The following LAMB2 variants were observed in gnomAD, a reference collection of about 807,000 sequenced individuals.
LAMB2 encodes the protein laminin subunit beta-2.
A neutral mutation model predicts 202.7 loss-of-function variants in LAMB2; 119 were observed. That is an observed-to-expected ratio of 0.59 (90% CI 0.51 to 0.68). The LOEUF is 0.68. Among genes scored for constraint, LAMB2 ranks in the 30% least tolerant of loss-of-function variants. LAMB2 has a pLI of 0.00. For synonymous variants in LAMB2, 818 were observed against 902.2 expected, an observed-to-expected ratio of 0.91 and a Z score of 1.67; for missense variants, 2,124 against 2,410.6, an observed-to-expected ratio of 0.88 and a Z score of 2.49.
At position 49,123,235 on chromosome 3, in the gene LAMB2, G is replaced by A. The variant is rs1310745206; in HGVS notation, c.4121C>T (p.Ala1374Val). Residue 1374 changes from alanine to valine, a missense_variant, in exon 26 of 32, where the codon GCT becomes GTT. This residue lies in a region of LAMB2 where 1,702 missense variants were observed against 1,896.3 expected (regional missense o/e 0.90). Transcript: ENST00000305544. ...TTTGCTGTTGAAGTCCTCCTTCTGA[G>A]CATCCATCAGTGCCTCTGTCCGATG... ...ARHRTEALMD[A>V]QKEDFNSKHM... 6.2e-7 allele frequency: 1 copy of A among 1,613,914 alleles called. No individual in the cohort carries two copies. The highest frequency in any genetic ancestry group is 8.5e-7 in the Non-Finnish European group (1 of 1,180,058).
chr3:49,125,043 G>C lies in LAMB2; in HGVS notation c.2847C>G (p.Ser949=). 1 of 1,613,946 alleles carries C rather than the reference G, an allele frequency of 6.2e-7. No individual in the cohort carries two copies. Among genetic ancestry groups the C allele is most frequent in the South Asian group, 1.1e-5 (1 of 91,090 alleles). Residue 949 remains serine, a synonymous_variant, in exon 20 of 32, where the codon TCC becomes TCG. Transcript: ENST00000305544. ...FATSCHQDEY[S]QQIVCHCRAG... ...CCCGGCAGTGGCACACAATCTGCTG[G>C]GAATATTCATCCTGGTGGCAAGAAG...
rs752915661 is a variant in LAMB2, at chr3:49,122,827, C to G, written c.4450G>C (p.Ala1484Pro). Residue 1484 changes from alanine (A) to proline (P), a missense_variant, in exon 27 of 32, where the codon GCA becomes CCA. Transcript: ENST00000305544. ...LSRVAETRRQASEAQQRAQAA... is the reference protein window; with the variant it reads ...LSRVAETRRQPSEAQQRAQAA... ...TGGGCCCGCTGCTGTGCCTCGCTTG[C>G]CTGCCGACGAGTCTCAGCCACTCTG... The G allele has an allele frequency of 2.5e-6, 4 of 1,613,270 alleles. No homozygotes were observed. The highest frequency in any genetic ancestry group is 3.4e-6 in the Non-Finnish European group (4 of 1,180,004).
Position 49,123,207 on chromosome 3 carries a change from GT to G in LAMB2, c.4148del (p.His1383ProfsTer18). On this transcript the variant is annotated frameshift_variant, in exon 26 of 32. Transcript: ENST00000305544. LOFTEE classifies it high-confidence loss of function. ...TGCCAAGTGCCCGCTGGTTGGCCATGTGTTTGCTGTTGAAGTCCTCCTTCTG... is the reference window on the plus strand; with the variant it reads ...TGCCAAGTGCCCGCTGGTTGGCCATGGTTTGCTGTTGAAGTCCTCCTTCTG... Reference protein sequence around the residue: ...DAQKEDFNSKHMANQRALGKL... With the variant: ...DAQKEDFNSKXMANQRALGKL... 1 of 1,613,986 alleles carries G rather than the reference GT, an allele frequency of 6.2e-7. No homozygotes were observed. Among genetic ancestry groups the G allele is most frequent in the Non-Finnish European group, 8.5e-7 (1 of 1,180,046 alleles).
At position 49,123,646 on chromosome 3, in the gene LAMB2, AGGGGG is replaced by A. The variant is rs750912455; in HGVS notation, c.3798-20_3798-16del. 1.2e-6 allele frequency: 2 copies of A among 1,613,910 alleles called. No homozygotes were observed. The highest frequency in any genetic ancestry group is 8.5e-7 in the Non-Finnish European group (1 of 1,180,010). ...CAATTTCACGCCTGCAATGATGGAG[AGGGGG>A]GTGTTTAGAGAGGCTTCAGCCCTGG... On this transcript the variant is annotated splice_polypyrimidine_tract_variant and intron_variant, in intron 24 of 31. Coordinates refer to ENST00000305544, the MANE Select transcript of LAMB2 (RefSeq NM_002292.4).
rs151037751 is a variant in LAMB2, at chr3:49,122,908, G to A, written c.4369C>T (p.Arg1457Trp). 1.2e-4 allele frequency: 197 copies of A among 1,609,320 alleles called. 3 individuals are homozygous for A. In the South Asian group the frequency reaches 1.7e-3, roughly 14 times the overall value. The change falls in exon 27 of 32, where the codon CGG (arginine) becomes TGG (tryptophan). Residue 1457 changes from arginine to tryptophan, a missense_variant. By Grantham distance (101) the Arg-to-Trp change is moderately radical. Around this residue, in one of 3 missense-constraint regions of LAMB2, gnomAD observed 1,702 missense variants for 1,896.3 expected, o/e 0.90. Coordinates refer to ENST00000305544, the MANE Select transcript of LAMB2 (RefSeq NM_002292.4). ...ATADLALGRA[R>W]HTQAELQRAL... The stretch of plus-strand genomic sequence containing the variant: ...CGCTGCAGCTCTGCCTGTGTGTGCC[G>A]GGCCCGGCCCAGTGCTAGGTCTGCT...
rs768806166 is a variant in LAMB2 at position 49,132,524 on chromosome 3, G to A, written c.216C>T (p.Gly72=). The A allele has an allele frequency of 2.4e-5, 38 of 1,613,572 alleles. No individual in the cohort carries two copies. The highest frequency in any genetic ancestry group is 3.0e-5 in the Non-Finnish European group (35 of 1,180,030). ...GACTGACGATGCAGTAGGGCTGGGG[G>A]CCATTCAGGCCACAAGTGGATGAGG... The part of the protein sequence containing the change: ...LTASSTCGLN[G]PQPYCIVSHL... Residue 72 remains glycine (G), a synonymous_variant, in exon 2 of 32, where the codon GGC becomes GGT. Transcript: ENST00000305544. The surrounding 1 kb of genome is among the most constrained non-coding windows in gnomAD (Gnocchi z 4.6).
In LAMB2 at chr3:49,124,798, C is replaced by T. The variant is rs776161557; in HGVS notation, c.3012G>A (p.Thr1004=). ...PMDPDACDPH[T]GQCLRCLHHT... ...GGTGTAAACAGCGCAGGCATTGCCC[C>T]GTGTGGGGGTCACAGGCATCAGGAT... The change falls in exon 21 of 32, where the codon ACG becomes ACA. Residue 1004 remains threonine (T), a synonymous_variant. Coordinates refer to ENST00000305544, the MANE Select transcript of LAMB2 (RefSeq NM_002292.4). 3 of 1,614,192 alleles carry T rather than the reference C, an allele frequency of 1.9e-6. No individual in the cohort carries two copies. The highest frequency in any genetic ancestry group is 2.5e-6 in the Non-Finnish European group (3 of 1,180,030).
Position 49,123,630 on chromosome 3 carries a change from G to T in LAMB2, c.3799C>A (p.Arg1267Ser). ...TGCTCAGTGGCCTCCCCAATTTCAC[G>T]CCTGCAATGATGGAGAGGGGGGTGT... Reference protein sequence around the residue: ...QLVEATEELRREIGEATEHLT... With the variant: ...QLVEATEELRSEIGEATEHLT... The change falls in exon 25 of 32, where the codon CGT becomes AGT. Residue 1267 changes from arginine to serine, a missense_variant and splice_region_variant. By Grantham distance (110) the Arg-to-Ser change is moderately radical (BLOSUM62 -1). This residue lies in a region of LAMB2 where 1,702 missense variants were observed against 1,896.3 expected (regional missense o/e 0.90). Coordinates refer to ENST00000305544, the MANE Select transcript of LAMB2 (RefSeq NM_002292.4). 6.2e-7 allele frequency: 1 copy of T among 1,614,048 alleles called. No homozygotes were observed. Among genetic ancestry groups the T allele is most frequent in the Non-Finnish European group, 8.5e-7 (1 of 1,180,036 alleles).
Position 49,125,818 on chromosome 3 carries a change from G to C in LAMB2, c.2417C>G (p.Pro806Arg). ...NPHGGQCLCK[P>R]GVVGRRCDLC... ...GTCACAGCGGCGCCCAACCACTCCAGGCTTGCACAGGCACTGACCACCATG... is the reference window on the plus strand; with the variant it reads ...GTCACAGCGGCGCCCAACCACTCCACGCTTGCACAGGCACTGACCACCATG... The change falls in exon 18 of 32, where the codon CCT (proline) becomes CGT (arginine). Residue 806 changes from proline to arginine, a missense_variant. Coordinates refer to ENST00000305544, the MANE Select transcript of LAMB2 (RefSeq NM_002292.4). 1 of 1,614,142 alleles carries C rather than the reference G, an allele frequency of 6.2e-7. No individual in the cohort carries two copies. Among genetic ancestry groups the C allele is most frequent in the Non-Finnish European group, 8.5e-7 (1 of 1,180,018 alleles).
At position 49,123,746 on chromosome 3, in the gene LAMB2, T is replaced by G. The variant is rs199978262; in HGVS notation, c.3779A>C (p.Glu1260Ala). The G allele has an allele frequency of 4.3e-6, 7 of 1,613,458 alleles. No individual in the cohort carries two copies. The East Asian group carries it at 1.6e-4, about 36-fold the overall frequency. The change falls in exon 24 of 32, where the codon GAG (glutamate) becomes GCG (alanine). Residue 1260 changes from glutamate to alanine, a missense_variant. By Grantham distance (107) the Glu-to-Ala change is moderately radical. Transcript: ENST00000305544. ...TSAASTAQLV[E>A]ATEELRREIG... is the part of the protein sequence containing the mutation. Reference sequence around the variant, plus strand: ...TCCGCACCGCAGCTCCTCTGTGGCCTCCACAAGCTGTGCAGTGGAGGCGGC... The same window carrying G: ...TCCGCACCGCAGCTCCTCTGTGGCCGCCACAAGCTGTGCAGTGGAGGCGGC...
In LAMB2 at chr3:49,121,972, G is replaced by C. The variant is rs2045288749; in HGVS notation, c.4895C>G (p.Thr1632Arg). Residue 1632 changes from threonine to arginine, a missense_variant, in exon 29 of 32, where the codon ACA becomes AGA. By Grantham distance (71) the Thr-to-Arg change is moderately conservative (BLOSUM62 -1). This residue lies in a region of LAMB2 where 1,702 missense variants were observed against 1,896.3 expected (regional missense o/e 0.90). Coordinates refer to ENST00000305544, the MANE Select transcript of LAMB2 (RefSeq NM_002292.4). ...GTACAGGGTCTGCTCTGTGTCCCGT[G>C]TGTCAGCCACTGCCCCCCGGATGGC... ...QGAIRGAVAD[T>R]RDTEQTLYQV... 1.2e-6 allele frequency: 2 copies of C among 1,613,848 alleles called. No homozygotes were observed. The highest frequency in any genetic ancestry group is 3.3e-5 in the Admixed American group (2 of 60,006).
In LAMB2 at chr3:49,130,092, A is replaced by T. The variant is rs2045465227; in HGVS notation, c.1226-74T>A. On this transcript the variant is annotated intron_variant, in intron 9 of 31. Coordinates refer to ENST00000305544, the MANE Select transcript of LAMB2 (RefSeq NM_002292.4). The surrounding 1 kb of genome is among the most constrained non-coding windows in gnomAD (Gnocchi z 5.0). ...CACTGCCAGTCCTCTCCTAAGCCTA[A>T]GGGATCCCACCCTGGATCCCTGGTC... 6.3e-7 allele frequency: 1 copy of T among 1,588,670 alleles called. No individual in the cohort carries two copies. The highest frequency in any genetic ancestry group is 1.3e-5 in the African/African-American group (1 of 74,392).
rs1164022460 is a variant in LAMB2, at chr3:49,123,490, C to G, written c.3939G>C (p.Gln1313His). The change falls in exon 25 of 32, where the codon CAG (glutamine) becomes CAC (histidine). Residue 1313 changes from glutamine (Q) to histidine (H), a missense_variant. Gln to His is a conservative substitution (Grantham distance 24, BLOSUM62 0). Transcript: ENST00000305544. ...TGAGCAAGTCAAGATGCTGGTCGAGCTGCCGCAGTGTGAGATTAAGTGCAA... is the reference window on the plus strand; with the variant it reads ...TGAGCAAGTCAAGATGCTGGTCGAGGTGCCGCAGTGTGAGATTAAGTGCAA... Reference protein sequence around the residue: ...DRLALNLTLRQLDQHLDLLKH... With the variant: ...DRLALNLTLRHLDQHLDLLKH... 2 of 1,614,078 alleles carry G rather than the reference C, an allele frequency of 1.2e-6. No individual in the cohort carries two copies. Among genetic ancestry groups the G allele is most frequent in the Non-Finnish European group, 1.7e-6 (2 of 1,180,050 alleles).
chr3:49,123,878 T>G lies in LAMB2; in HGVS notation c.3647A>C (p.Gln1216Pro). 1 of 1,613,450 alleles carries G rather than the reference T, an allele frequency of 6.2e-7. No homozygotes were observed. Among genetic ancestry groups the G allele is most frequent in the Non-Finnish European group, 8.5e-7 (1 of 1,179,996 alleles). ...CAGCACACCCGTCTGTTGCAACTCC[T>G]GCGCCCGCTGCTCTAGGCGCTGTGT... ...ARTQRLEQRA[Q>P]ELQQTGVLGA... Residue 1216 changes from glutamine (Q) to proline (P), a missense_variant, in exon 24 of 32, where the codon CAG becomes CCG. Transcript: ENST00000305544.
rs1268522422 is a variant in LAMB2 at position 49,123,904 on chromosome 3, A to C, written c.3621T>G (p.Arg1207=). The C allele has an allele frequency of 1.2e-6, 2 of 1,613,354 alleles. No individual in the cohort carries two copies. Among genetic ancestry groups the C allele is most frequent in the East Asian group, 4.5e-5 (2 of 44,884 alleles). ...WDRVVQDLAA[R]TQRLEQRAQE... ...GCGCCCGCTGCTCTAGGCGCTGTGTACGGGCTGCCAAGTCCTGCACCACTC... is the reference window on the plus strand; with the variant it reads ...GCGCCCGCTGCTCTAGGCGCTGTGTCCGGGCTGCCAAGTCCTGCACCACTC... Residue 1207 remains arginine (R), a synonymous_variant, in exon 24 of 32, where the codon CGT becomes CGG. Transcript: ENST00000305544.
At chr3:49,128,018 CA>C (rs1156873652) in intron 15 of LAMB2, among the ~76,000 whole-genome samples, 490 of 32,872 alleles carry the variant, frequency 0.015, 1 homozygote, top group Non-Finnish European at 0.02. Context: ...GACTCCGTCT[CA>C]AAAAAAAAAA....
chr3:49,129,504 TA>T lies in LAMB2; in HGVS notation c.1518+99del. The T allele has an allele frequency of 8.7e-7, 1 of 1,153,038 alleles. No homozygotes were observed. The highest frequency in any genetic ancestry group is 1.3e-6 in the Non-Finnish European group (1 of 779,102). 71.4% of individuals were successfully genotyped at this position (1,153,038 alleles called of 1,614,324 possible). A position where few individuals can be genotyped will look rare whatever the true frequency, so the allele number is the denominator to read the frequency against. On this transcript the variant is annotated intron_variant, in intron 11 of 31. Transcript: ENST00000305544. This position sits in a 1 kb window ranked among gnomAD's most constrained non-coding sequence, Gnocchi z 6.1. ...AGGCTTCTCAGCCAGGACTGGATCC[TA>T]AGCTCTCAGCACCCACCCACTGGCA...
At position 49,130,417 on chromosome 3, in the gene LAMB2, ACT is replaced by A. The variant is rs1170845795; in HGVS notation, c.1037_1038del (p.Lys346MetfsTer2). On this transcript the variant is annotated frameshift_variant and splice_region_variant, in exon 9 of 32. Coordinates refer to ENST00000305544, the MANE Select transcript of LAMB2 (RefSeq NM_002292.4). LOFTEE classifies it high-confidence loss of function. The surrounding 1 kb of genome is among the most constrained non-coding windows in gnomAD (Gnocchi z 5.0). ...AEDGHSHACR[K>X]CECHGHTHSC... is the part of the protein sequence containing the mutation. The stretch of plus-strand genomic sequence containing the variant: ...CTGTGGGTGTGCCCATGGCACTCAC[ACT>A]CTGGCAGGGGAGGAAGGGCAGGGCA... The A allele has an allele frequency of 2.5e-6, 4 of 1,613,694 alleles. No individual in the cohort carries two copies. The highest frequency in any genetic ancestry group is 3.4e-6 in the Non-Finnish European group (4 of 1,180,006).
chr3:49,123,949 T>C lies in LAMB2; in HGVS notation c.3576A>G (p.Ala1192=), dbSNP rs2045381563. 1.2e-6 allele frequency: 2 copies of C among 1,613,430 alleles called. No homozygotes were observed. Among genetic ancestry groups the C allele is most frequent in the Non-Finnish European group, 8.5e-7 (1 of 1,180,026 alleles). The stretch of plus-strand genomic sequence containing the variant: ...CCACTCGGTCCCAATCCCCGAAGCA[T>C]GCATGGCAGGGATGGCAGGCAGGAA... The part of the protein sequence containing the change: ...GIFPACHPCH[A]CFGDWDRVVQ... The change falls in exon 24 of 32, where the codon GCA becomes GCG. Residue 1192 remains alanine (A), a synonymous_variant. Transcript: ENST00000305544.
Sources: gnomAD v4.1 joint callset for allele counts (sites outside exome capture counted in the v4.1 genomes callset) on GRCh38, gnomAD v4.1.1 for gene constraint, gnomAD v4.1.1 regional missense constraint, Gnocchi (gnomAD v3.1) non-coding constraint, MANE v1.5 for transcripts, NCBI Gene and HGNC (gene_info 2026-07-23, HGNC 2026-07-21) for gene names.